Variants in STON2 observed in about 807,000 individuals in gnomAD.
The protein encoded by STON2 is stonin-2.
STON2 carries 29 observed loss-of-function variants against 65.7 expected under a neutral mutation model. The ratio of observed to expected loss-of-function variants is 0.44; its 90% confidence interval spans 0.33 to 0.60. STON2 has a LOEUF of 0.60. Among genes scored for constraint, STON2 ranks in the 20% least tolerant of loss-of-function variants. STON2 has a pLI of 0.03. For missense variants in STON2, 1,054 were observed against 1,118.1 expected (o/e 0.94, Z 0.82); for synonymous variants, 404 against 414.2 (o/e 0.98, Z 0.30).
At chr14:81,288,946 A>G (rs1895447189) in intron 5 of STON2, among the ~76,000 whole-genome samples, 1 of 150,598 alleles carries the variant, frequency 6.6e-6, no homozygotes, top group East Asian at 1.9e-4. Flanking sequence ...TGGCAGGACT[A>G]TAATGCCCAC....
rs776865612 is a variant in STON2 at position 81,277,015 on chromosome 14, T to C, written c.2467A>G (p.Thr823Ala). The C allele has an allele frequency of 2.2e-5, 36 of 1,614,082 alleles. No individual in the cohort carries two copies. Among genetic ancestry groups the C allele is most frequent in the Middle Eastern group, 1.6e-4 (1 of 6,084 alleles). Residue 823 changes from threonine to alanine, a missense_variant, in exon 6 of 8, where the codon ACT becomes GCT. Physicochemically the swap from Thr to Ala is moderately conservative, Grantham distance 58 (BLOSUM62 0). Coordinates refer to ENST00000614646, the MANE Select transcript of STON2 (RefSeq NM_001394390.1). ...ACAGGCTCAGAGCCAGAAACACTAGTGGAGCCAAAACTTGCCCCCCGGTTC... is the reference window on the plus strand; with the variant it reads ...ACAGGCTCAGAGCCAGAAACACTAGCGGAGCCAAAACTTGCCCCCCGGTTC... Reference protein sequence around the residue: ...KVNRGASFGSTSVSGSEPVMR... With the variant: ...KVNRGASFGSASVSGSEPVMR...
intron 2 of STON2, among the ~76,000 whole-genome samples, chr14:81,411,862 GACAAGGAATA>G (rs1667192513): frequency 7.0e-6 from 1 of 142,328 alleles, no homozygotes; most frequent in African/African-American, 2.8e-5. Context: ...GCAGAGTTAA[GACAAGGAATA>G]ACAAGGAATC....
At chr14:81,402,037 G>C (rs765293829), upstream of STON2, among the ~76,000 whole-genome samples, 14 of 152,190 alleles carry the variant, frequency 9.2e-5, no homozygotes, top group Admixed American at 2.0e-4. Flanking sequence ...GTTTCTGTCT[G>C]AACAAGCCTC....
intron 5 of STON2, among the ~76,000 whole-genome samples, chr14:81,315,699 G>GCTA (rs1447874582): frequency 1.3e-5 from 2 of 152,240 alleles, no homozygotes; most frequent in Non-Finnish European, 1.5e-5. Flanking sequence ...TGAGCTGGGT[G>GCTA]CTGTAGTCTT....
At chr14:81,393,215 T>C (rs1377457636) in intron 3 of STON2, among the ~76,000 whole-genome samples, 2 of 152,184 alleles carry the variant, frequency 1.3e-5, no homozygotes, top group Non-Finnish European at 2.9e-5. Context: ...ATAAATAGTT[T>C]TGAGCAATCA....
At chr14:81,343,142 C>A (rs1460194604) in intron 4 of STON2, among the ~76,000 whole-genome samples, 3 of 152,126 alleles carry the variant, frequency 2.0e-5, no homozygotes, top group Non-Finnish European at 4.4e-5. Flanking sequence ...TGGTAGCATT[C>A]TAAATGTGGT....
rs77823238 is a variant in STON2 at position 81,416,510 on chromosome 14, A to G, written c.-199+10592T>C. Among the ~76,000 whole-genome samples, 250 of 152,322 alleles carry G rather than the reference A, an allele frequency of 1.6e-3. 2 individuals are homozygous for G. Among genetic ancestry groups the G allele is most frequent in the African/African-American group, 5.8e-3 (241 of 41,570 alleles). On this transcript the variant is annotated intron_variant, in intron 2 of 8. Coordinates refer to the STON2 transcript ENST00000553821. ...AAGGTACCGGAGGCAGGGTCAACAC[A>G]GTGGACAACTTCAGGGCCCATTCCC...
intron 4 of STON2, among the ~76,000 whole-genome samples, chr14:81,363,626 CA>C (rs5810025): frequency 7.5e-4 from 111 of 147,482 alleles, no homozygotes; most frequent in South Asian, 1.7e-3. Flanking sequence ...GATTTGTTTT[CA>C]AAAAAAAAAC....
At chr14:81,338,308 A>G (rs1205614060) in intron 4 of STON2, among the ~76,000 whole-genome samples, 1 of 152,184 alleles carries the variant, frequency 6.6e-6, no homozygotes, top group Non-Finnish European at 1.5e-5. Flanking sequence ...TCAATGGCCA[A>G]TCATGTAATC....
chr14:81,313,810 TACACACAC>T (rs10527861), intron 5 of STON2, among the ~76,000 whole-genome samples: 1,564 of 139,824 alleles, frequency 0.011, 15 homozygotes, highest in Non-Finnish European at 0.018. Flanking sequence ...AAAAAAAAAA[TACACACAC>T]ACACACACAC....
At chr14:81,400,475 C>G (rs1201831976), upstream of STON2, among the ~76,000 whole-genome samples, 6 of 19,234 alleles carry the variant, frequency 3.1e-4, no homozygotes, top group Admixed American at 3.5e-3. Context: ...CCACAGCACC[C>G]GTCAAAAAAA....
chr14:81,353,758 C>A (rs1338330076), intron 4 of STON2, among the ~76,000 whole-genome samples: 1 of 152,090 alleles, frequency 6.6e-6, no homozygotes, highest in Non-Finnish European at 1.5e-5. Context: ...CAGAAGGAAA[C>A]CATAGATCTA....
chr14:81,431,124 G>A (rs1352136789), intron 1 of STON2, among the ~76,000 whole-genome samples: 1 of 152,116 alleles, frequency 6.6e-6, no homozygotes, highest in Non-Finnish European at 1.5e-5. Context: ...GGAAACAGTT[G>A]GCTTCAGGCC....
chr14:81,375,987 A>G (rs1899234287), intron 3 of STON2, among the ~76,000 whole-genome samples: 1 of 151,712 alleles, frequency 6.6e-6, no homozygotes, highest in Non-Finnish European at 1.5e-5. Flanking sequence ...CAAAGAAGAA[A>G]TATCAATAAA....
chr14:81,274,473 G>C (rs60127836), intron 6 of STON2, among the ~76,000 whole-genome samples: 6,324 of 152,116 alleles, frequency 0.042, 423 homozygotes, highest in African/African-American at 0.14. Flanking sequence ...CTGAAGGCCT[G>C]GTTTTGCTTT....
At chr14:81,318,236 T>A (rs1375078379) in intron 5 of STON2, among the ~76,000 whole-genome samples, 1 of 152,096 alleles carries the variant, frequency 6.6e-6, no homozygotes, top group East Asian at 1.9e-4. Context: ...AGTGCTGGGA[T>A]TATAGGTGTG....
chr14:81,283,363 T>C (rs1407912434), intron 5 of STON2, among the ~76,000 whole-genome samples: 1 of 152,156 alleles, frequency 6.6e-6, no homozygotes, highest in Non-Finnish European at 1.5e-5. Flanking sequence ...TTAACCTAAT[T>C]TGTAAAAAAA....
intron 4 of STON2, among the ~76,000 whole-genome samples, chr14:81,343,025 G>C (rs974937093): frequency 6.6e-6 from 1 of 152,122 alleles, no homozygotes; most frequent in South Asian, 2.1e-4. Flanking sequence ...TCTCAGGGAG[G>C]GTAGGGCATG....
At position 81,268,398 on chromosome 14, in the gene STON2, T is replaced by C. The variant is rs1894440149; in HGVS notation, c.*16A>G. ...ATCATGACTCTGGGATCAGGATTCCTTGCCGCAAGGCTTTGTCACTGCACT... is the reference window on the plus strand; with the variant it reads ...ATCATGACTCTGGGATCAGGATTCCCTGCCGCAAGGCTTTGTCACTGCACT... On this transcript the variant is annotated 3_prime_UTR_variant, in exon 8 of 8. Transcript: ENST00000614646. The C allele has an allele frequency of 7.8e-7, 1 of 1,289,340 alleles. No individual in the cohort carries two copies. Among genetic ancestry groups the C allele is most frequent in the African/African-American group, 1.5e-5 (1 of 65,974 alleles). 79.9% of individuals were successfully genotyped at this position (1,289,340 alleles called of 1,614,324 possible). A position where few individuals can be genotyped will look rare whatever the true frequency, so the allele number is the denominator to read the frequency against.
Sources: gnomAD v4.1 joint callset for allele counts (sites outside exome capture counted in the v4.1 genomes callset) on GRCh38, gnomAD v4.1.1 for gene constraint, MANE v1.5 for transcripts, NCBI Gene and HGNC (gene_info 2026-07-23, HGNC 2026-07-21) for gene names.